SPAG16: variants seen among roughly 807,000 people sequenced by gnomAD.
SPAG16 encodes the protein sperm-associated antigen 16 protein.
Under a neutral mutation model 80.4 loss-of-function variants are expected in SPAG16, and 86 were observed. That is an observed-to-expected ratio of 1.07 (90% CI 0.90 to 1.28). The LOEUF is 1.28. Among genes scored for constraint, SPAG16 ranks in the 50% most tolerant of loss-of-function variants. The pLI is 0.00. For missense variants in SPAG16, 870 were observed against 765.3 expected (o/e 1.14, Z -1.61); for synonymous variants, 294 against 265.9 (o/e 1.11, Z -1.03).
chr2:213,533,931 T>C (rs2076155919), intron 10 of SPAG16, among the ~76,000 whole-genome samples: 1 of 152,180 alleles, frequency 6.6e-6, no homozygotes, highest in Admixed American at 6.5e-5. Context: ...GCTTGGTTTT[T>C]AATTGATGCA....
intron 10 of SPAG16, among the ~76,000 whole-genome samples, chr2:213,628,672 A>G (rs573226995): frequency 1.3e-5 from 2 of 152,304 alleles, no homozygotes; most frequent in African/African-American, 4.8e-5. Context: ...AAAAGTTTGC[A>G]TTCTTTAACT....
chr2:214,013,071 G>A (rs900337433), intron 12 of SPAG16, among the ~76,000 whole-genome samples: 3 of 151,982 alleles, frequency 2.0e-5, no homozygotes, highest in Non-Finnish European at 4.4e-5. Context: ...AGCCCTAAAG[G>A]CATATTATAA....
intron 10 of SPAG16, among the ~76,000 whole-genome samples, chr2:213,603,956 C>T (rs2061162019): frequency 6.7e-6 from 1 of 149,812 alleles, no homozygotes. Flanking sequence ...TAGAGTCTCA[C>T]TAAGTTGGCC....
At chr2:214,186,210 T>C (rs17748800) in intron 15 of SPAG16, among the ~76,000 whole-genome samples, 45,697 of 152,066 alleles carry the variant, frequency 0.3, 8,568 homozygotes, top group Non-Finnish European at 0.42. Context: ...CACAGAACTG[T>C]GTTGAATAAG....
rs146856036 is a variant in SPAG16 at position 213,432,658 on chromosome 2, ATTTTACCAG to A, written c.943-57302_943-57294del. 8.8e-3 allele frequency among the ~76,000 whole-genome samples: 1,333 copies of A among 152,264 alleles called. 20 individuals carry two copies. The highest frequency in any genetic ancestry group is 0.03 in the African/African-American group (1,245 of 41,560). ...GATAGTTTGAAATTCTGGTTGCTGAATTTTACCAGTTGTACAAAGAAAAACTGAAACCCA... is the reference window on the plus strand; with the variant it reads ...GATAGTTTGAAATTCTGGTTGCTGAATTGTACAAAGAAAAACTGAAACCCA... On this transcript the variant is annotated intron_variant, in intron 9 of 15. Coordinates refer to ENST00000331683, the MANE Select transcript of SPAG16 (RefSeq NM_024532.5).
At chr2:213,738,597 C>T (rs1462953371) in intron 10 of SPAG16, among the ~76,000 whole-genome samples, 1 of 152,160 alleles carries the variant, frequency 6.6e-6, no homozygotes, top group Admixed American at 6.5e-5. Context: ...TATATCAATA[C>T]AGAGGTGCCA....
At chr2:213,705,051 G>C (rs1559393263) in intron 10 of SPAG16, among the ~76,000 whole-genome samples, 1 of 152,088 alleles carries the variant, frequency 6.6e-6, no homozygotes, top group Non-Finnish European at 1.5e-5. Context: ...AGGAGATCGA[G>C]ACCATCCTGG....
intron 1 of SPAG16, among the ~76,000 whole-genome samples, chr2:213,294,756 A>C (rs777466571): frequency 6.6e-6 from 1 of 152,126 alleles, no homozygotes; most frequent in African/African-American, 2.4e-5. Context: ...ATAGGTTTAG[A>C]TCTCTGTGGA....
intron 11 of SPAG16, among the ~76,000 whole-genome samples, chr2:213,895,603 G>A (rs1000316757): frequency 5.3e-5 from 8 of 152,078 alleles, no homozygotes; most frequent in African/African-American, 9.7e-5. Context: ...ATATAAATCC[G>A]TGCATTTGCA....
rs565767398 is a variant in SPAG16, at chr2:213,506,494, A to G, written c.1070+16404A>G. ...AAGTAAAAAGAATTTCTGTCTGCCT[A>G]ATTTCCTTCTACACCTTTTTCATTT... On this transcript the variant is annotated intron_variant, in intron 10 of 15. Transcript: ENST00000331683. Among the ~76,000 whole-genome samples, 189 of 152,170 alleles carry G rather than the reference A, an allele frequency of 1.2e-3. 1 individual carries two copies. Among genetic ancestry groups the G allele is most frequent in the Admixed American group, 2.0e-3 (31 of 15,276 alleles).
At chr2:214,346,987 T>C (rs1698092729) in intron 15 of SPAG16, among the ~76,000 whole-genome samples, 1 of 152,166 alleles carries the variant, frequency 6.6e-6, no homozygotes, top group Non-Finnish European at 1.5e-5. Flanking sequence ...CATATTTCAG[T>C]AGACAATGTT....
intron 15 of SPAG16, among the ~76,000 whole-genome samples, chr2:214,373,869 C>A (rs767873447): frequency 6.6e-6 from 1 of 152,116 alleles, no homozygotes; most frequent in African/African-American, 2.4e-5. Flanking sequence ...TGAATGATTC[C>A]TTCAACTAAA....
chr2:213,756,200 G>A (rs995747509), intron 10 of SPAG16, among the ~76,000 whole-genome samples: 1 of 152,128 alleles, frequency 6.6e-6, no homozygotes, highest in African/African-American at 2.4e-5. Flanking sequence ...AAGTCTATGG[G>A]CCAGGCACGA....
chr2:213,285,895 A>G (rs1034432627), intron 1 of SPAG16: 1 of 1,289,488 alleles, frequency 7.8e-7, no homozygotes, highest in African/African-American at 1.5e-5. Context: ...GCTTATCTAT[A>G]TCCAGTGCCC....
Position 213,387,833 on chromosome 2 carries a change from A to T in SPAG16, c.942+12714A>T, listed in dbSNP as rs181528199. Reference sequence around the variant, plus strand: ...TTTGTTTCTATCTGTAAACATATTTATATCCCTAATACCCCTTCTGGGTTT... The same window carrying T: ...TTTGTTTCTATCTGTAAACATATTTTTATCCCTAATACCCCTTCTGGGTTT... On this transcript the variant is annotated intron_variant, in intron 9 of 15. Coordinates refer to ENST00000331683, the MANE Select transcript of SPAG16 (RefSeq NM_024532.5). Among the ~76,000 whole-genome samples, 249 of 152,254 alleles carry T rather than the reference A, an allele frequency of 1.6e-3. 1 individual carries two copies. Among genetic ancestry groups the T allele is most frequent in the African/African-American group, 5.8e-3 (242 of 41,556 alleles).
chr2:213,411,769 A>C (rs1397735725), intron 9 of SPAG16, among the ~76,000 whole-genome samples: 5 of 152,158 alleles, frequency 3.3e-5, no homozygotes, highest in Non-Finnish European at 7.4e-5. Flanking sequence ...GTGTCATACC[A>C]TACATCCGTA....
At chr2:214,041,107 T>G (rs1056405053) in intron 13 of SPAG16, among the ~76,000 whole-genome samples, 3 of 151,966 alleles carry the variant, frequency 2.0e-5, no homozygotes, top group Non-Finnish European at 4.4e-5. Context: ...TTTGAATATA[T>G]TCTTTCTTGG....
intron 10 of SPAG16, among the ~76,000 whole-genome samples, chr2:213,612,293 T>C (rs1280483530): frequency 2.0e-5 from 3 of 152,220 alleles, no homozygotes; most frequent in African/African-American, 7.2e-5. Context: ...ACTATTAATA[T>C]GTTTTACACA....
At chr2:213,792,097 A>T (rs144264966) in intron 10 of SPAG16, among the ~76,000 whole-genome samples, 108 of 152,372 alleles carry the variant, frequency 7.1e-4, no homozygotes, top group Non-Finnish European at 1.1e-3. Flanking sequence ...ATGTTGTTTA[A>T]AAGTGTTACC....
Sources: gnomAD v4.1 joint callset for allele counts (sites outside exome capture counted in the v4.1 genomes callset) on GRCh38, gnomAD v4.1.1 for gene constraint, MANE v1.5 for transcripts, NCBI Gene and HGNC (gene_info 2026-07-23, HGNC 2026-07-21) for gene names.